TULP4: variants seen among roughly 807,000 people sequenced by gnomAD.
The protein encoded by TULP4 is tubby-related protein 4.
Under a neutral mutation model 129.0 loss-of-function variants are expected in TULP4, and 16 were observed. The observed-to-expected ratio is 0.12, with a 90% CI of 0.08 to 0.19. TULP4 has a LOEUF of 0.19. TULP4 is among the 10% of genes least tolerant of loss of function. The pLI, the probability that TULP4 is intolerant of heterozygous loss-of-function variation, is 1.00. For missense variants in TULP4, 1,842 were observed against 2,059.1 expected, an observed-to-expected ratio of 0.89 and a Z score of 2.04; for synonymous variants, 998 against 854.0, an observed-to-expected ratio of 1.17 and a Z score of -2.94.
At chr6:158,242,664 C>T in intron 1 of TULP4, 3 of 659,134 alleles carry the variant, frequency 4.6e-6, no homozygotes, top group South Asian at 1.6e-5. Flanking sequence ...CTGGATAAGG[C>T]ATATCACTTT....
At chr6:158,288,379 C>A (rs1175924112) in intron 1 of TULP4, among the ~76,000 whole-genome samples, 3 of 151,970 alleles carry the variant, frequency 2.0e-5, no homozygotes. Flanking sequence ...TCTAGCACAG[C>A]ATGATACAGA....
Position 158,508,465 on chromosome 6 carries a change from G to A in TULP4, c.*1771G>A, listed in dbSNP as rs959785687. ...CTCCAAACCCCAGAGAAATACTGAC[G>A]AAGTTTTCTGATGTGGCAAAGGATA... On this transcript the variant is annotated 3_prime_UTR_variant, in exon 14 of 14. Transcript: ENST00000367097. 2.6e-5 allele frequency: 4 copies of A among 152,300 alleles called. No homozygotes were observed. Among genetic ancestry groups the A allele is most frequent in the African/African-American group, 7.2e-5 (3 of 41,416 alleles). The allele number at this position is 152,300 out of a possible 1,614,324, so 9.4% of individuals were successfully genotyped here.
chr6:158,345,678 G>A (rs1189849150), intron 1 of TULP4, among the ~76,000 whole-genome samples: 1 of 152,212 alleles, frequency 6.6e-6, no homozygotes, highest in African/African-American at 2.4e-5. Flanking sequence ...AACAAAGATG[G>A]CAAGGCAAAG....
chr6:158,365,448 T>TTTTTTTTC (rs1268790791), intron 1 of TULP4, among the ~76,000 whole-genome samples: 1 of 151,662 alleles, frequency 6.6e-6, no homozygotes, highest in Non-Finnish European at 1.5e-5. Context: ...TTTGGAAGTT[T>TTTTTTTTC]TTTTTTTCTT....
chr6:158,490,068 G>C (rs542810602), intron 9 of TULP4, among the ~76,000 whole-genome samples: 1 of 152,262 alleles, frequency 6.6e-6, no homozygotes, highest in South Asian at 2.1e-4. Flanking sequence ...TTCCCCTGTG[G>C]ATGTAACATG....
rs148210978 is a variant in TULP4 at position 158,303,257 on chromosome 6, G to C, written n.117-8794G>C. Among the ~76,000 whole-genome samples the C allele has an allele frequency of 3.4e-4, 51 of 151,914 alleles. 1 individual carries two copies. Among genetic ancestry groups the C allele is most frequent in the East Asian group, 1.5e-3 (8 of 5,164 alleles). ...AGTGGAAACAGGAATTTCAATGTAG[G>C]TTCTATTTTCCGTAAGTGTTGGCCG... On this transcript the variant is annotated intron_variant and non_coding_transcript_variant, in intron 1 of 1. Transcript: ENST00000432358.
Position 158,510,563 on chromosome 6 carries a change from A to G in TULP4, c.*3869A>G, listed in dbSNP as rs1241861317. 1 of 152,182 alleles carries G rather than the reference A, an allele frequency of 6.6e-6. No homozygotes were observed. The highest frequency in any genetic ancestry group is 1.5e-5 in the Non-Finnish European group (1 of 68,034). 9.4% of individuals were successfully genotyped at this position (152,182 alleles called of 1,614,324 possible). ...CACCATTGCCTTTGTGTAGAGAAATATTTCTTTTCCTGTGTTAATGAGCTA... is the reference window on the plus strand; with the variant it reads ...CACCATTGCCTTTGTGTAGAGAAATGTTTCTTTTCCTGTGTTAATGAGCTA... On this transcript the variant is annotated 3_prime_UTR_variant, in exon 14 of 14. Coordinates refer to ENST00000367097, the MANE Select transcript of TULP4 (RefSeq NM_020245.5).
At chr6:158,318,899 ATTTTTTTTTTTTT>A (rs56898948) in intron 1 of TULP4, among the ~76,000 whole-genome samples, 2 of 136,934 alleles carry the variant, frequency 1.5e-5, no homozygotes, top group African/African-American at 5.6e-5. Flanking sequence ...CTAGTTACAA[ATTTTTTTTTTTTT>A]TTTTTTTTTT....
At chr6:158,344,258 G>T (rs557570431) in intron 1 of TULP4, among the ~76,000 whole-genome samples, 1 of 152,096 alleles carries the variant, frequency 6.6e-6, no homozygotes, top group South Asian at 2.1e-4. Context: ...TCTTTTTTCG[G>T]ACTCAGCCCA....
At chr6:158,420,784 T>C (rs925103552) in intron 2 of TULP4, among the ~76,000 whole-genome samples, 2 of 127,050 alleles carry the variant, frequency 1.6e-5, no homozygotes, top group Non-Finnish European at 3.7e-5. Context: ...TCGCCCGGCC[T>C]ATTTAGGCAT....
intron 1 of TULP4, among the ~76,000 whole-genome samples, chr6:158,240,275 C>A (rs1289390930): frequency 1.2e-5 from 1 of 80,654 alleles, no homozygotes; most frequent in African/African-American, 4.3e-5. Flanking sequence ...GGGCTCCTCA[C>A]TTCCCAGTAG....
intron 6 of TULP4, among the ~76,000 whole-genome samples, chr6:158,468,281 C>A (rs373842119): frequency 1.3e-5 from 2 of 152,174 alleles, no homozygotes; most frequent in African/African-American, 4.8e-5. Context: ...AGGTAAACTA[C>A]GCTGCCTTTC....
At chr6:158,410,230 A>C (rs562122221) in intron 1 of TULP4, among the ~76,000 whole-genome samples, 32 of 152,368 alleles carry the variant, frequency 2.1e-4, no homozygotes, top group African/African-American at 7.5e-4. Flanking sequence ...CTGTGTTGTC[A>C]TAAGACCAAA....
chr6:158,232,799 A>G (rs62437125), intron 1 of TULP4, among the ~76,000 whole-genome samples: 62,108 of 151,736 alleles, frequency 0.41, 12,984 homozygotes, highest in East Asian at 0.54. Context: ...CCCCTGCCGG[A>G]CCAGTCTCCC....
intron 1 of TULP4, among the ~76,000 whole-genome samples, chr6:158,247,230 C>T (rs1260683014): frequency 6.6e-6 from 1 of 152,010 alleles, no homozygotes; most frequent in Admixed American, 6.6e-5. Flanking sequence ...ATTAGATCCC[C>T]TGGGATAAAG....
Position 158,498,796 on chromosome 6 carries a change from T to C in TULP4, c.1998T>C (p.Asp666=), listed in dbSNP as rs563944755. 5 of 1,614,206 alleles carry C rather than the reference T, an allele frequency of 3.1e-6. No homozygotes were observed. In the Admixed American group the frequency reaches 8.3e-5, roughly 27 times the overall value. ...TCAACCCAAATGTTTTCAGTGAAGA[T>C]GAAGATGATTTACCAGGTGTGTTCA... ...PVFNPNVFSE[D]EDDLPVTGAS... Residue 666 remains aspartate, a synonymous_variant, in exon 12 of 14, where the codon GAT becomes GAC. Coordinates refer to ENST00000367097, the MANE Select transcript of TULP4 (RefSeq NM_020245.5).
chr6:158,401,034 ATGTT>A (rs755127258), intron 1 of TULP4, among the ~76,000 whole-genome samples: 2 of 147,156 alleles, frequency 1.4e-5, no homozygotes, highest in Non-Finnish European at 3.0e-5. Flanking sequence ...GCCGCCTTTT[ATGTT>A]TGTTTGGGTT....
intron 1 of TULP4, among the ~76,000 whole-genome samples, chr6:158,243,095 A>G (rs1777956269): frequency 6.6e-6 from 1 of 152,120 alleles, no homozygotes; most frequent in African/African-American, 2.4e-5. Flanking sequence ...CCTATCATGG[A>G]AATTTTAAAA....
chr6:158,338,806 C>A (rs979815598), intron 1 of TULP4, among the ~76,000 whole-genome samples: 3 of 152,200 alleles, frequency 2.0e-5, no homozygotes, highest in Non-Finnish European at 4.4e-5. Context: ...GGGGAATGAT[C>A]ACATTTCCTG....
Sources: allele counts gnomAD v4.1 joint callset (sites outside exome capture counted in the v4.1 genomes callset), GRCh38; gene constraint gnomAD v4.1.1; transcripts MANE v1.5; gene names NCBI Gene and HGNC (gene_info 2026-07-23, HGNC 2026-07-21).